Variants in FERMT2 observed in about 807,000 individuals in gnomAD.
The protein encoded by FERMT2 is fermitin family homolog 2.
In FERMT2, 15 loss-of-function variants were observed where a neutral mutation model predicts 82.7. That is an observed-to-expected ratio of 0.18 (90% CI 0.12 to 0.28). The LOEUF (loss-of-function observed/expected upper bound fraction) is 0.28. FERMT2 is among the 10% of genes least tolerant of loss of function. FERMT2 has a pLI of 1.00. For synonymous variants in FERMT2, 274 were observed against 271.5 expected (o/e 1.01, Z -0.09); for missense variants, 645 against 809.4 (o/e 0.80, Z 2.46).
intron 4 of FERMT2, among the ~76,000 whole-genome samples, chr14:52,884,593 C>T (rs1179882625): frequency 6.6e-6 from 1 of 150,926 alleles, no homozygotes; most frequent in Non-Finnish European, 1.5e-5. Flanking sequence ...AAGAGCGAAA[C>T]TCCGTCTCAA....
rs576681051 is a variant in FERMT2, at chr14:52,876,128, C to T, written c.964-771G>A. On this transcript the variant is annotated intron_variant, in intron 7 of 14. Coordinates refer to ENST00000341590, the MANE Select transcript of FERMT2 (RefSeq NM_006832.3). ...CTTAATCAATTACCTTTCAAAGCAA[C>T]AAGTGGCACTCCAAATGTCTAAAGT... is the stretch of plus-strand genomic sequence containing the variant. Among the ~76,000 whole-genome samples the T allele has an allele frequency of 4.6e-5, 7 of 152,306 alleles. No individual in the cohort carries two copies. In the South Asian group the frequency reaches 1.2e-3, roughly 27 times the overall value.
At chr14:52,900,443 C>G (rs1048312279) in intron 3 of FERMT2, among the ~76,000 whole-genome samples, 1 of 152,000 alleles carries the variant, frequency 6.6e-6, no homozygotes, top group South Asian at 2.1e-4. Flanking sequence ...GAAGATAAAG[C>G]GTTTCTGGTT....
chr14:52,886,269 G>A (rs574127715), intron 4 of FERMT2, among the ~76,000 whole-genome samples: 2 of 142,258 alleles, frequency 1.4e-5, no homozygotes, highest in Non-Finnish European at 3.2e-5. Flanking sequence ...AGAAACTCTT[G>A]GGGGGGAGAG....
Position 52,919,194 on chromosome 14 carries a change from T to G in FERMT2, c.320A>C (p.Lys107Thr), listed in dbSNP as rs1888797514. 5 of 1,614,070 alleles carry G rather than the reference T, an allele frequency of 3.1e-6. No individual in the cohort carries two copies. Among genetic ancestry groups the G allele is most frequent in the Non-Finnish European group, 3.4e-6 (4 of 1,179,984 alleles). Residue 107 changes from lysine to threonine, a missense_variant, in exon 3 of 15, where the codon AAG becomes ACG. Physicochemically the swap from Lys to Thr is moderately conservative, Grantham distance 78. Coordinates refer to ENST00000341590, the MANE Select transcript of FERMT2 (RefSeq NM_006832.3). ...KLLRLQLPNM[K>T]YVKVKVNFSD... is the part of the protein sequence containing the mutation. Reference sequence around the variant, plus strand: ...GAAATTCACTTTCACCTTCACATACTTCATGTTGGGAAGCTGCAGGCGGAG... The same window carrying G: ...GAAATTCACTTTCACCTTCACATACGTCATGTTGGGAAGCTGCAGGCGGAG...
intron 8 of FERMT2, among the ~76,000 whole-genome samples, chr14:52,874,572 C>T (rs1885832612): frequency 6.6e-6 from 1 of 152,048 alleles, no homozygotes; most frequent in Non-Finnish European, 1.5e-5. Context: ...GTAACTAATC[C>T]CTATACTTAA....
intron 4 of FERMT2, among the ~76,000 whole-genome samples, chr14:52,886,479 C>T (rs890664175): frequency 1.3e-5 from 2 of 152,050 alleles, no homozygotes; most frequent in African/African-American, 4.8e-5. Context: ...TACAGGTGTA[C>T]ACCACAACGC....
At chr14:52,875,593 G>A (rs1433906959) in intron 7 of FERMT2, among the ~76,000 whole-genome samples, 1 of 151,886 alleles carries the variant, frequency 6.6e-6, no homozygotes, top group African/African-American at 2.4e-5. Flanking sequence ...CATCATTTGC[G>A]GGCTCTAAGA....
chr14:52,939,029 A>G (rs1484916157), intron 2 of FERMT2, among the ~76,000 whole-genome samples: 1 of 151,892 alleles, frequency 6.6e-6, no homozygotes, highest in African/African-American at 2.4e-5. Context: ...ACTTAAAATC[A>G]ATTCCTAATA....
At chr14:52,945,962 C>T (rs1025157843) in intron 2 of FERMT2, among the ~76,000 whole-genome samples, 1 of 152,142 alleles carries the variant, frequency 6.6e-6, no homozygotes, top group Non-Finnish European at 1.5e-5. Context: ...TTGCAACCTC[C>T]GCCTCCTGGG....
At chr14:52,942,166 C>T (rs1251967576) in intron 2 of FERMT2, among the ~76,000 whole-genome samples, 1 of 151,642 alleles carries the variant, frequency 6.6e-6, no homozygotes, top group Non-Finnish European at 1.5e-5. Context: ...TACTCAGAGA[C>T]TCAATGCCAC....
intron 3 of FERMT2, among the ~76,000 whole-genome samples, chr14:52,897,729 C>T (rs1887371184): frequency 6.6e-6 from 1 of 152,074 alleles, no homozygotes; most frequent in Admixed American, 6.6e-5. Flanking sequence ...GTAATCCCAG[C>T]ACTTTGGGAG....
intron 2 of FERMT2, among the ~76,000 whole-genome samples, chr14:52,934,186 T>G (rs1187837974): frequency 6.6e-6 from 1 of 152,218 alleles, no homozygotes; most frequent in Non-Finnish European, 1.5e-5. Flanking sequence ...ACAGGCAGCA[T>G]GTAAAGCAAT....
Position 52,864,819 on chromosome 14 carries a change from G to A in FERMT2, c.1308C>T (p.Gly436=). The A allele has an allele frequency of 6.2e-7, 1 of 1,611,576 alleles. No homozygotes were observed. Among genetic ancestry groups the A allele is most frequent in the South Asian group, 1.1e-5 (1 of 90,936 alleles). ...CEVTPDVNIS[G]QKFNIKLLIP... is the part of the protein sequence containing the mutation. ...TCAGGAGTTTAATGTTAAATTTTTG[G>A]CCTGAAATGTTTACATCTGGGGTAA... The change falls in exon 11 of 15, where the codon GGC becomes GGT. Residue 436 remains glycine (G), a synonymous_variant. Transcript: ENST00000341590.
At chr14:52,889,639 A>C (rs562531674) in intron 4 of FERMT2, among the ~76,000 whole-genome samples, 37 of 152,330 alleles carry the variant, frequency 2.4e-4, no homozygotes, top group Non-Finnish European at 3.8e-4. Flanking sequence ...TGTTGTATGA[A>C]CATCATAGAG....
chr14:52,950,601 C>T, intron 1 of FERMT2, 24 bp from the exon 2 acceptor site: 3 of 1,609,080 alleles, frequency 1.9e-6, no homozygotes, highest in East Asian at 2.2e-5. Flanking sequence ...GGAAATGGCT[C>T]TCGTAAGCGT....
intron 3 of FERMT2, among the ~76,000 whole-genome samples, chr14:52,912,322 T>TAA (rs1888364516): frequency 6.6e-6 from 1 of 152,120 alleles, no homozygotes; most frequent in African/African-American, 2.4e-5. Context: ...AAATTACCAC[T>TAA]CATTAAGACC....
At chr14:52,907,516 C>T (rs1888083167) in intron 3 of FERMT2, among the ~76,000 whole-genome samples, 1 of 151,546 alleles carries the variant, frequency 6.6e-6, no homozygotes, top group Non-Finnish European at 1.5e-5. Context: ...TGCTTTAGGG[C>T]GAAAATAACG....
At chr14:52,882,408 C>T (rs906845221) in intron 4 of FERMT2, among the ~76,000 whole-genome samples, 1 of 151,954 alleles carries the variant, frequency 6.6e-6, no homozygotes, top group Admixed American at 6.6e-5. Flanking sequence ...GTAGAGGTTA[C>T]GTAAATAACA....
At chr14:52,869,279 T>C (rs1885467913) in intron 10 of FERMT2, among the ~76,000 whole-genome samples, 1 of 152,192 alleles carries the variant, frequency 6.6e-6, no homozygotes, top group Non-Finnish European at 1.5e-5. Context: ...AATGTGGGAA[T>C]AGCAATTGTT....
Sources: allele counts gnomAD v4.1 joint callset (sites outside exome capture counted in the v4.1 genomes callset), GRCh38; gene constraint gnomAD v4.1.1; transcripts MANE v1.5; gene names NCBI Gene and HGNC (gene_info 2026-07-23, HGNC 2026-07-21).